CACNA1C: variants seen among roughly 807,000 people sequenced by gnomAD.
The protein encoded by CACNA1C is voltage-dependent L-type calcium channel subunit alpha-1C.
CACNA1C carries 30 observed loss-of-function variants against 229.0 expected under a neutral mutation model. The ratio of observed to expected loss-of-function variants is 0.13; its 90% CI spans 0.10 to 0.18. The LOEUF (loss-of-function observed/expected upper bound fraction) is 0.18. Ranked by LOEUF, CACNA1C falls within the 10% of genes least tolerant of loss-of-function variation. The pLI, the probability that CACNA1C is intolerant of heterozygous loss-of-function variation, is 1.00. For synonymous variants in CACNA1C, 1,114 were observed against 1,132.5 expected (o/e 0.98, Z 0.33); for missense variants, 1,658 against 2,845.0 (o/e 0.58, Z 9.49).
At chr12:2,036,893 G>A (rs1441823657) in intron 1 of CACNA1C, among the ~76,000 whole-genome samples, 1 of 152,182 alleles carries the variant, frequency 6.6e-6, no homozygotes, top group Middle Eastern at 3.2e-3. Flanking sequence ...ACACTGGAGG[G>A]GTTAGCACAG....
chr12:2,056,551 G>A (rs1489633128), intron 1 of CACNA1C, among the ~76,000 whole-genome samples: 1 of 152,190 alleles, frequency 6.6e-6, no homozygotes, highest in Non-Finnish European at 1.5e-5. Flanking sequence ...GACACACTGT[G>A]CTTTTCTTTT....
At chr12:2,580,434 C>T (rs142330266) in intron 13 of CACNA1C, among the ~76,000 whole-genome samples, 4 of 152,302 alleles carry the variant, frequency 2.6e-5, no homozygotes, top group Non-Finnish European at 5.9e-5. Flanking sequence ...AAAAGCAATC[C>T]ACTGTCTGGA....
chr12:2,580,046 A>C (rs1027529429), intron 13 of CACNA1C, among the ~76,000 whole-genome samples: 1 of 152,164 alleles, frequency 6.6e-6, no homozygotes, highest in Admixed American at 6.5e-5. Flanking sequence ...GCAGTCCATC[A>C]CACATACTGG....
chr12:2,103,734 A>G (rs2077226092), intron 1 of CACNA1C, among the ~76,000 whole-genome samples: 1 of 152,220 alleles, frequency 6.6e-6, no homozygotes, highest in Non-Finnish European at 1.5e-5. Context: ...TCTTTAATCC[A>G]TCTTAAGTTA....
At chr12:2,648,965 A>G (rs909824625) in intron 31 of CACNA1C, among the ~76,000 whole-genome samples, 1 of 152,160 alleles carries the variant, frequency 6.6e-6, no homozygotes, top group Non-Finnish European at 1.5e-5. Context: ...CCTGTTAATC[A>G]GTGTCTGTGG....
intron 8 of CACNA1C, among the ~76,000 whole-genome samples, chr12:2,510,111 C>T (rs759731770): frequency 5.3e-5 from 8 of 152,136 alleles, no homozygotes; most frequent in Non-Finnish European, 1.0e-4. Context: ...CCATTGCTGG[C>T]GAGAGATGCA....
intron 1 of CACNA1C, among the ~76,000 whole-genome samples, chr12:2,031,992 T>C (rs1347117352): frequency 1.1e-5 from 1 of 87,438 alleles, no homozygotes; most frequent in African/African-American, 9.7e-5. Flanking sequence ...TGTGAGTGTG[T>C]TTGTGTGTGT....
intron 3 of CACNA1C, among the ~76,000 whole-genome samples, chr12:2,296,079 G>A (rs906870294): frequency 9.8e-5 from 15 of 152,314 alleles, no homozygotes; most frequent in Admixed American, 1.3e-4. Flanking sequence ...TCATAAGAAC[G>A]GATGATTCAT....
intron 3 of CACNA1C, among the ~76,000 whole-genome samples, chr12:2,360,457 C>A (rs1248100358): frequency 6.6e-6 from 1 of 152,178 alleles, no homozygotes; most frequent in Non-Finnish European, 1.5e-5. Context: ...CTGCGTCTCT[C>A]CCTAATGACA....
chr12:2,173,294 C>G (rs1176039548), intron 3 of CACNA1C, among the ~76,000 whole-genome samples: 1 of 152,172 alleles, frequency 6.6e-6, no homozygotes, highest in Non-Finnish European at 1.5e-5. Context: ...GTCAGTTCTC[C>G]ATTTCCAGGA....
intron 3 of CACNA1C, among the ~76,000 whole-genome samples, chr12:2,318,359 G>C (rs2095801645): frequency 6.6e-6 from 1 of 152,208 alleles, no homozygotes; most frequent in East Asian, 1.9e-4. Context: ...TTTAAGCAAG[G>C]CGACAGCGGA....
chr12:2,176,564 G>C (rs2096651023), intron 3 of CACNA1C, among the ~76,000 whole-genome samples: 1 of 149,674 alleles, frequency 6.7e-6, no homozygotes, highest in South Asian at 2.2e-4. Flanking sequence ...AGGGCCTATT[G>C]GGGGGGTTGG....
In CACNA1C at chr12:2,504,768, C is replaced by T. The variant is rs531360633; in HGVS notation, c.1114-74C>T. 4.2e-6 allele frequency: 4 copies of T among 954,850 alleles called. No homozygotes were observed. The highest frequency in any genetic ancestry group is 2.7e-5 in the South Asian group (2 of 73,982). 59.1% of individuals were successfully genotyped at this position (954,850 alleles called of 1,614,324 possible). ...CCTGGCGCTGCGTGGGTCAGTGTCT[C>T]GGGAGCCGGGGACCGGCACTGGCCG... is the stretch of plus-strand genomic sequence containing the variant. On this transcript the variant is annotated intron_variant, in intron 7 of 46. Transcript: ENST00000399655. The surrounding 1 kb of genome is among the most constrained non-coding windows in gnomAD (Gnocchi z 6.8).
chr12:2,311,900 T>C (rs554828908), intron 3 of CACNA1C, among the ~76,000 whole-genome samples: 1 of 152,320 alleles, frequency 6.6e-6, no homozygotes, highest in African/African-American at 2.4e-5. Flanking sequence ...TTAAAAATGG[T>C]TAACATAGTA....
At position 2,098,858 on chromosome 12, in the gene CACNA1C, T is replaced by C. The variant is rs538589605; in HGVS notation, c.50-16366T>C. Among the ~76,000 whole-genome samples the C allele has an allele frequency of 5.3e-5, 8 of 152,372 alleles. No individual in the cohort carries two copies. In the South Asian group the frequency reaches 1.4e-3, roughly 28 times the overall value. On this transcript the variant is annotated intron_variant, in intron 1 of 46. Coordinates refer to ENST00000399655, the MANE Select transcript of CACNA1C (RefSeq NM_000719.7). The stretch of plus-strand genomic sequence containing the variant: ...TAGTACTTTCATAGACATAATCCCT[T>C]GTAGTCTTCACCATTGTTCTGTGAG...
intron 3 of CACNA1C, among the ~76,000 whole-genome samples, chr12:2,436,937 G>A (rs1368672484): frequency 6.6e-6 from 1 of 152,196 alleles, no homozygotes. Context: ...TCAATTAGCT[G>A]TCCTCATGGT....
intron 5 of CACNA1C, among the ~76,000 whole-genome samples, chr12:2,481,957 G>A (rs1394488470): frequency 6.6e-6 from 1 of 152,258 alleles, no homozygotes; most frequent in East Asian, 1.9e-4. Flanking sequence ...GGTGAGCATG[G>A]CCTATCTGAG....
intron 38 of CACNA1C, among the ~76,000 whole-genome samples, chr12:2,674,243 G>C (rs1445076899): frequency 1.3e-5 from 2 of 152,224 alleles, no homozygotes; most frequent in African/African-American, 4.8e-5. Context: ...GAAGAGCACT[G>C]AGTGCCGGTG....
chr12:2,505,061 C>A, intron 8 of CACNA1C, 116 bp downstream of exon 8: 1 of 657,284 alleles, frequency 1.5e-6, no homozygotes, highest in Non-Finnish European at 2.7e-6. Flanking sequence ...AAGGGGTCAC[C>A]ACAGGAGCCT....
Sources: allele counts gnomAD v4.1 joint callset (sites outside exome capture counted in the v4.1 genomes callset), GRCh38; gene constraint gnomAD v4.1.1; non-coding constraint Gnocchi (gnomAD v3.1); transcripts MANE v1.5; gene names NCBI Gene and HGNC (gene_info 2026-07-23, HGNC 2026-07-21).